Variants in ANKS1B observed in about 807,000 individuals in gnomAD.
ANKS1B encodes the protein ankyrin repeat and sterile alpha motif domain-containing protein 1B.
ANKS1B carries 36 observed loss-of-function variants against 148.3 expected under a neutral mutation model. The observed-to-expected ratio is 0.24, with a 90% CI of 0.19 to 0.32. The LOEUF (loss-of-function observed/expected upper bound fraction) is 0.32, where lower values mean the gene tolerates loss of function less well. Among genes scored for constraint, ANKS1B ranks in the 10% least tolerant of loss-of-function variants. The pLI is 1.00. For missense variants in ANKS1B, 1,157 were observed against 1,542.6 expected (o/e 0.75, Z 4.19); for synonymous variants, 542 against 560.8 (o/e 0.97, Z 0.47).
At chr12:99,455,741 C>A (rs535505958) in intron 10 of ANKS1B, among the ~76,000 whole-genome samples, 2 of 151,998 alleles carry the variant, frequency 1.3e-5, no homozygotes, top group African/African-American at 4.8e-5. Flanking sequence ...TGCAACCCCA[C>A]CCCCAACAGT....
At chr12:99,141,217 C>T (rs2070628751) in intron 15 of ANKS1B, among the ~76,000 whole-genome samples, 1 of 152,090 alleles carries the variant, frequency 6.6e-6, no homozygotes, top group African/African-American at 2.4e-5. Flanking sequence ...CACAAGTCAC[C>T]CTTTAGCTAT....
At chr12:99,456,708 T>A (rs1019733105) in intron 10 of ANKS1B, among the ~76,000 whole-genome samples, 11 of 151,930 alleles carry the variant, frequency 7.2e-5, no homozygotes, top group African/African-American at 2.4e-4. Context: ...ATTAACCCAA[T>A]CTGATAAAGA....
At chr12:99,327,428 C>A (rs2086685115) in intron 12 of ANKS1B, among the ~76,000 whole-genome samples, 2 of 118,714 alleles carry the variant, frequency 1.7e-5, no homozygotes, top group Admixed American at 9.7e-5. Flanking sequence ...ATTATATTGT[C>A]TATAAATTAT....
At chr12:99,802,313 C>T (rs1364942336) in intron 4 of ANKS1B, among the ~76,000 whole-genome samples, 1 of 152,120 alleles carries the variant, frequency 6.6e-6, no homozygotes, top group African/African-American at 2.4e-5. Flanking sequence ...ACAATGAAAG[C>T]ACTAGCATGA....
chr12:99,152,537 A>G (rs2075214728), intron 15 of ANKS1B, among the ~76,000 whole-genome samples: 1 of 152,106 alleles, frequency 6.6e-6, no homozygotes, highest in African/African-American at 2.4e-5. Flanking sequence ...TCTCTCTTTG[A>G]ATGCTTATTT....
chr12:99,909,230 G>A (rs868818541), intron 1 of ANKS1B, among the ~76,000 whole-genome samples: 295 of 141,858 alleles, frequency 2.1e-3, no homozygotes, highest in African/African-American at 7.4e-3. Context: ...GTGTGTGTGT[G>A]TGTGTGTGTG....
intron 12 of ANKS1B, among the ~76,000 whole-genome samples, chr12:99,341,671 A>G (rs530279094): frequency 6.6e-6 from 1 of 152,248 alleles, no homozygotes; most frequent in Non-Finnish European, 1.5e-5. Flanking sequence ...AAGGTGAGAT[A>G]TAATGGATAC....
chr12:99,487,018 G>A (rs1465781428), intron 10 of ANKS1B, among the ~76,000 whole-genome samples: 1 of 152,138 alleles, frequency 6.6e-6, no homozygotes, highest in Non-Finnish European at 1.5e-5. Context: ...CTTCTCCAAG[G>A]CCTATCAAAT....
intron 9 of ANKS1B, among the ~76,000 whole-genome samples, chr12:99,528,431 A>C (rs1433287940): frequency 1.2e-5 from 1 of 85,484 alleles, no homozygotes; most frequent in East Asian, 3.2e-4. Context: ...AAAAACAAAA[A>C]CAAAAAAAAA....
intron 9 of ANKS1B, among the ~76,000 whole-genome samples, chr12:99,528,455 C>T (rs563261466): frequency 7.1e-6 from 1 of 141,190 alleles, no homozygotes; most frequent in African/African-American, 2.6e-5. Context: ...AAAAAAAAAA[C>T]CATCAACAGA....
At chr12:99,567,011 T>G (rs1186929110) in intron 9 of ANKS1B, among the ~76,000 whole-genome samples, 1 of 152,214 alleles carries the variant, frequency 6.6e-6, no homozygotes, top group East Asian at 1.9e-4. Flanking sequence ...CAGTTTCTCC[T>G]GCTTTTCATC....
intron 14 of ANKS1B, among the ~76,000 whole-genome samples, chr12:99,172,363 T>C (rs181700409): frequency 1.7e-4 from 26 of 152,196 alleles, no homozygotes; most frequent in Non-Finnish European, 2.6e-4. Flanking sequence ...ATGTGGGAGA[T>C]AGACGAATAC....
At chr12:98,937,055 G>A (rs79342382) in intron 17 of ANKS1B, among the ~76,000 whole-genome samples, 2 of 152,286 alleles carry the variant, frequency 1.3e-5, no homozygotes, top group Non-Finnish European at 2.9e-5. Flanking sequence ...GGAGTTCTGT[G>A]AAGAGTAGAT....
chr12:99,255,212 T>A (rs2153977139), intron 12 of ANKS1B, among the ~76,000 whole-genome samples: 1 of 152,248 alleles, frequency 6.6e-6, no homozygotes, highest in Middle Eastern at 3.4e-3. Context: ...CTTTTTGAAG[T>A]TTTTTAAAGT....
At position 99,609,683 on chromosome 12, in the gene ANKS1B, C is replaced by G. The variant is rs374635840; in HGVS notation, c.1272+45384G>C. Among the ~76,000 whole-genome samples the G allele has an allele frequency of 2.0e-5, 3 of 152,070 alleles. No homozygotes were observed. In the East Asian group the frequency reaches 5.8e-4, roughly 29 times the overall value. ...GATCAGGGGGGATATTCTCACAAGT[C>G]TTAAGGCCGAACTCTCAGGATGTAA... is the stretch of plus-strand genomic sequence containing the variant. On this transcript the variant is annotated intron_variant, in intron 9 of 26. Transcript: ENST00000683438.
chr12:99,931,363 AG>A (rs2094610343), intron 1 of ANKS1B, among the ~76,000 whole-genome samples: 1 of 152,118 alleles, frequency 6.6e-6, no homozygotes, highest in African/African-American at 2.4e-5. Flanking sequence ...TTAAAAAAAA[AG>A]AGAATGACAG....
At chr12:99,921,098 A>T (rs2094337624) in intron 1 of ANKS1B, among the ~76,000 whole-genome samples, 1 of 152,122 alleles carries the variant, frequency 6.6e-6, no homozygotes, top group Non-Finnish European at 1.5e-5. Context: ...TGACCAGGTG[A>T]TATGGTTTGG....
chr12:99,873,563 T>C (rs932870345), intron 1 of ANKS1B, among the ~76,000 whole-genome samples: 2 of 152,308 alleles, frequency 1.3e-5, no homozygotes, highest in South Asian at 4.1e-4. Context: ...GCCGTTATTT[T>C]ATTCTGAGTC....
chr12:99,688,745 G>A (rs150299157), intron 8 of ANKS1B, among the ~76,000 whole-genome samples: 1,916 of 152,196 alleles, frequency 0.013, 20 homozygotes, highest in South Asian at 0.035. Flanking sequence ...GAAGGCTGAG[G>A]TGGAAGGATT....
Sources: allele counts gnomAD v4.1 joint callset (sites outside exome capture counted in the v4.1 genomes callset), GRCh38; gene constraint gnomAD v4.1.1; transcripts MANE v1.5; gene names NCBI Gene and HGNC (gene_info 2026-07-23, HGNC 2026-07-21).